ATXN7: variants seen among roughly 807,000 people sequenced by gnomAD.
The protein encoded by ATXN7 is ataxin 7.
In ATXN7, 12 loss-of-function variants were observed where a neutral mutation model predicts 70.5. The ratio of observed to expected loss-of-function variants is 0.17; its 90% CI spans 0.11 to 0.28. The LOEUF (loss-of-function observed/expected upper bound fraction) is 0.28, where lower values mean the gene tolerates loss of function less well. Ranked by LOEUF, ATXN7 falls within the 10% of genes least tolerant of loss-of-function variation. The probability of loss-of-function intolerance (pLI) is 1.00; values close to 1 mark genes in which losing one functional copy is unlikely to be tolerated. For missense variants in ATXN7, 1,256 were observed against 1,131.7 expected (o/e 1.11, Z -1.58); for synonymous variants, 498 against 448.7 (o/e 1.11, Z -1.39).
intron 1 of ATXN7, among the ~76,000 whole-genome samples, chr3:63,869,570 A>G (rs1415772574): frequency 2.0e-5 from 3 of 152,064 alleles, no homozygotes; most frequent in Non-Finnish European, 4.4e-5. Flanking sequence ...GATTACAGGC[A>G]TGTGCCACTA....
intron 1 of ATXN7, among the ~76,000 whole-genome samples, chr3:63,892,663 G>A (rs11914573): frequency 0.044 from 6,690 of 152,216 alleles, 346 homozygotes; most frequent in African/African-American, 0.13. Flanking sequence ...GCCTAATTGC[G>A]GGTTCTTAGC....
rs1359866073 is a variant in ATXN7 at position 63,990,317 on chromosome 3, A to G, written c.1503A>G (p.Glu501=). The G allele has an allele frequency of 2.5e-6, 4 of 1,614,150 alleles. No homozygotes were observed. Among genetic ancestry groups the G allele is most frequent in the Non-Finnish European group, 3.4e-6 (4 of 1,180,034 alleles). Residue 501 remains glutamate, a synonymous_variant, in exon 10 of 13, where the codon GAA becomes GAG. Transcript: ENST00000674280. The part of the protein sequence containing the change: ...SSEEGEGDDK[E]ESVEKLDCHY... ...AGGAGGGCGAAGGCGATGACAAAGA[A>G]GAGTCTGTTGAAAAACTGGACTGTC... is the stretch of plus-strand genomic sequence containing the variant.
chr3:63,969,172 C>T (rs1475373911), intron 5 of ATXN7, among the ~76,000 whole-genome samples: 1 of 152,182 alleles, frequency 6.6e-6, no homozygotes, highest in Non-Finnish European at 1.5e-5. Context: ...TAATTAATCA[C>T]TCATTCCTTA....
chr3:63,920,195 G>T (rs2107316627), intron 4 of ATXN7, among the ~76,000 whole-genome samples: 1 of 152,268 alleles, frequency 6.6e-6, no homozygotes, highest in South Asian at 2.1e-4. Flanking sequence ...AATTCATGGA[G>T]ACCATGCACA....
At chr3:63,942,866 T>A (rs1356677797) in intron 4 of ATXN7, among the ~76,000 whole-genome samples, 1 of 152,260 alleles carries the variant, frequency 6.6e-6, no homozygotes, top group Non-Finnish European at 1.5e-5. Flanking sequence ...GTGAGTATAC[T>A]GAGCAGAGTA....
rs1177058287 is a variant in ATXN7, at chr3:64,002,220, GTATT to G, written c.*2762_*2765del. ...GTTTTGGTACAATTGAGATCATCTA[GTATT>G]TATTTATTAATTAATAAAAGTAAAT... On this transcript the variant is annotated 3_prime_UTR_variant, in exon 13 of 13. Coordinates refer to ENST00000674280, the MANE Select transcript of ATXN7 (RefSeq NM_001377405.1). 4.6e-5 allele frequency: 7 copies of G among 152,314 alleles called. No homozygotes were observed. The highest frequency in any genetic ancestry group is 7.3e-5 in the African/African-American group (3 of 41,340). The allele number at this position is 152,314 out of a possible 1,614,324, so 9.4% of individuals were successfully genotyped here.
chr3:63,972,668 G>A (rs1484313740), intron 5 of ATXN7, among the ~76,000 whole-genome samples: 1 of 152,122 alleles, frequency 6.6e-6, no homozygotes, highest in African/African-American at 2.4e-5. Flanking sequence ...AATAACTTTA[G>A]CTTGAATGAA....
intron 8 of ATXN7, among the ~76,000 whole-genome samples, chr3:63,984,313 C>G (rs911389968): frequency 6.6e-6 from 1 of 152,188 alleles, no homozygotes; most frequent in African/African-American, 2.4e-5. Context: ...CCACCCCAAG[C>G]CCATCCTTGG....
rs1166127625 is a variant in ATXN7 at position 63,864,154 on chromosome 3, G to T, written c.-115G>T. Among the ~76,000 whole-genome samples the T allele has an allele frequency of 2.0e-5, 3 of 149,284 alleles. No individual in the cohort carries two copies. The highest frequency in any genetic ancestry group is 2.1e-4 in the East Asian group (1 of 4,866). On this transcript the variant is annotated 5_prime_UTR_variant, in exon 1 of 13. Coordinates refer to ENST00000674280, the MANE Select transcript of ATXN7 (RefSeq NM_001377405.1). Reference sequence around the variant, plus strand: ...GCCGCCCCGGAGGCCGCAGCCAGCCGCCAGGTGAGCTCGCCCGGACGCCGC... The same window carrying T: ...GCCGCCCCGGAGGCCGCAGCCAGCCTCCAGGTGAGCTCGCCCGGACGCCGC...
intron 7 of ATXN7, 73 bp from the exon 8 acceptor site, chr3:63,982,866 C>T (rs953784630): frequency 1.2e-5 from 14 of 1,146,374 alleles, no homozygotes; most frequent in African/African-American, 1.6e-5. Context: ...TTGATTTCTT[C>T]TATTTTCTTG....
chr3:63,887,872 C>G (rs1029965282), intron 1 of ATXN7, among the ~76,000 whole-genome samples: 1 of 151,376 alleles, frequency 6.6e-6, no homozygotes, highest in African/African-American at 2.4e-5. Flanking sequence ...TGTCCTCAGC[C>G]TCTGTCTTCT....
chr3:63,936,577 A>G (rs1343481310), intron 4 of ATXN7, among the ~76,000 whole-genome samples: 1 of 152,206 alleles, frequency 6.6e-6, no homozygotes, highest in Non-Finnish European at 1.5e-5. Context: ...TGCTGGAAAT[A>G]TATCCCTTCA....
intron 4 of ATXN7, among the ~76,000 whole-genome samples, chr3:63,936,975 A>G (rs969139428): frequency 2.6e-5 from 4 of 152,242 alleles, no homozygotes; most frequent in Non-Finnish European, 5.9e-5. Flanking sequence ...AGTGTTCTAC[A>G]ACTGAAACTC....
intron 4 of ATXN7, among the ~76,000 whole-genome samples, chr3:63,927,039 C>T (rs1052544050): frequency 1.3e-5 from 2 of 152,168 alleles, no homozygotes; most frequent in South Asian, 2.1e-4. Context: ...GTGTATGTGC[C>T]GCATTTTCTT....
chr3:63,951,867 A>C (rs565402403), intron 4 of ATXN7, among the ~76,000 whole-genome samples: 1 of 152,346 alleles, frequency 6.6e-6, no homozygotes, highest in East Asian at 1.9e-4. Flanking sequence ...AAAGGACTAG[A>C]GGTTGCTATG....
chr3:63,975,220 G>A (rs1344241334), intron 5 of ATXN7, among the ~76,000 whole-genome samples: 1 of 152,170 alleles, frequency 6.6e-6, no homozygotes, highest in Non-Finnish European at 1.5e-5. Context: ...TTAGTAGTTA[G>A]CCACTTGCAT....
At chr3:63,896,612 A>C (rs559107053) in intron 1 of ATXN7, among the ~76,000 whole-genome samples, 1 of 152,312 alleles carries the variant, frequency 6.6e-6, no homozygotes, top group Admixed American at 6.5e-5. Flanking sequence ...TTTTGAACAC[A>C]GGGTTATTGG....
chr3:63,913,297 G>C, intron 4 of ATXN7, 72 bp downstream of exon 4: 1 of 1,465,102 alleles, frequency 6.8e-7, no homozygotes. Context: ...CTGGGACCGG[G>C]AACATCAGCC....
At chr3:63,943,516 A>C (rs1405432443) in intron 4 of ATXN7, among the ~76,000 whole-genome samples, 1 of 152,152 alleles carries the variant, frequency 6.6e-6, no homozygotes, top group Non-Finnish European at 1.5e-5. Flanking sequence ...GAATTTCCAA[A>C]GTACTTACTG....
Sources: gnomAD v4.1 joint callset for allele counts (sites outside exome capture counted in the v4.1 genomes callset) on GRCh38, gnomAD v4.1.1 for gene constraint, MANE v1.5 for transcripts, NCBI Gene and HGNC (gene_info 2026-07-23, HGNC 2026-07-21) for gene names.